CLTCL1: variants seen among roughly 807,000 people sequenced by gnomAD.
The protein encoded by CLTCL1 is clathrin heavy chain like 1, also known as clathrin heavy chain 2.
A neutral mutation model predicts 190.0 loss-of-function variants in CLTCL1; 159 were observed. The observed-to-expected ratio is 0.84, with a 90% CI of 0.74 to 0.95. CLTCL1 has a LOEUF of 0.95. CLTCL1 is among the 40% of genes least tolerant of loss of function. The pLI, the probability that CLTCL1 is intolerant of heterozygous loss-of-function variation, is 0.00. For missense variants in CLTCL1, 1,878 were observed against 2,033.4 expected, an observed-to-expected ratio of 0.92 and a Z score of 1.47; for synonymous variants, 752 against 769.6, an observed-to-expected ratio of 0.98 and a Z score of 0.38.
intron 4 of CLTCL1, among the ~76,000 whole-genome samples, chr22:19,242,006 G>A (rs377001757): frequency 8.0e-5 from 12 of 150,184 alleles, no homozygotes; most frequent in East Asian, 5.9e-4. Context: ...GCAGTGGCGC[G>A]ATCTCGGCTC....
chr22:19,273,875 C>T (rs183854273), intron 2 of CLTCL1, among the ~76,000 whole-genome samples: 22 of 152,236 alleles, frequency 1.4e-4, no homozygotes, highest in African/African-American at 2.6e-4. Context: ...TTCCCCATGG[C>T]GTGTGTTCTC....
At chr22:19,223,807 T>C in intron 14 of CLTCL1, 84 bp downstream of exon 14, 1 of 1,537,824 alleles carries the variant, frequency 6.5e-7, no homozygotes, top group Non-Finnish European at 8.9e-7. Flanking sequence ...TCCAGCTTCC[T>C]GCCCCTGGGA....
At chr22:19,201,817 T>C (rs544251439) in intron 22 of CLTCL1, among the ~76,000 whole-genome samples, 1 of 152,150 alleles carries the variant, frequency 6.6e-6, no homozygotes, top group Admixed American at 6.5e-5. Context: ...TCCAAGCCGT[T>C]CCCCTTCCTC....
chr22:19,223,446 G>A (rs1407242088), intron 14 of CLTCL1, among the ~76,000 whole-genome samples: 2 of 152,068 alleles, frequency 1.3e-5, no homozygotes, highest in Non-Finnish European at 2.9e-5. Context: ...TCCAGGTGAG[G>A]TGCTGAACAC....
intron 19 of CLTCL1, among the ~76,000 whole-genome samples, chr22:19,212,600 AAAGGAAGGAAGG>A (rs200691747): frequency 6.7e-6 from 1 of 148,832 alleles, no homozygotes; most frequent in African/African-American, 2.5e-5. Flanking sequence ...AGAAAGAAAG[AAAGGAAGGAAGG>A]AAGGAAAGAA....
At position 19,201,469 on chromosome 22, in the gene CLTCL1, C is replaced by T. The variant is rs1555939434; in HGVS notation, c.3625G>A (p.Gly1209Arg). ...QQVGDRCYEE[G>R]MYEAAKLLYS... ...AGCAGCTTGGCAGCCTCGTACATTC[C>T]CTCCTCGTAACAGCGGTCTCCAACC... The change falls in exon 23 of 33, where the codon GGA becomes AGA. Residue 1209 changes from glycine (G) to arginine (R), a missense_variant. Physicochemically the swap from Gly to Arg is moderately radical, Grantham distance 125. Coordinates refer to ENST00000427926, the MANE Select transcript of CLTCL1 (RefSeq NM_007098.4). The T allele has an allele frequency of 6.2e-7, 1 of 1,613,684 alleles. No homozygotes were observed. The highest frequency in any genetic ancestry group is 1.7e-5 in the Admixed American group (1 of 60,004).
At position 19,233,603 on chromosome 22, in the gene CLTCL1, T is replaced by C; in HGVS notation, c.1187A>G (p.Glu396Gly). 1 of 1,613,428 alleles carries C rather than the reference T, an allele frequency of 6.2e-7. No individual in the cohort carries two copies. The highest frequency in any genetic ancestry group is 8.5e-7 in the Non-Finnish European group (1 of 1,179,862). Residue 396 changes from glutamate to glycine, a missense_variant, in exon 8 of 33, where the codon GAG becomes GGG. Coordinates refer to ENST00000427926, the MANE Select transcript of CLTCL1 (RefSeq NM_007098.4). ...SAPKGILRTR[E>G]TVQKFQSIPA... ...TATACTCTGGAATTTCTGGACCGTC[T>C]CTCTGGTACGCAGGATTCCCTAATA... is the stretch of plus-strand genomic sequence containing the variant.
At chr22:19,192,388 G>C (rs1205126115) in intron 26 of CLTCL1, among the ~76,000 whole-genome samples, 1 of 152,188 alleles carries the variant, frequency 6.6e-6, no homozygotes, top group Non-Finnish European at 1.5e-5. Flanking sequence ...TTGGTGGCTT[G>C]CTGACTGTGG....
intron 26 of CLTCL1, among the ~76,000 whole-genome samples, chr22:19,192,660 A>G (rs1405247888): frequency 2.6e-5 from 4 of 152,190 alleles, no homozygotes; most frequent in Non-Finnish European, 5.9e-5. Context: ...TGGTCCCACT[A>G]TGGCTTACTG....
At chr22:19,187,951 C>T (rs782628842) in intron 28 of CLTCL1, 30 bp downstream of exon 28, 66 of 1,587,536 alleles carry the variant, frequency 4.2e-5, no homozygotes, top group Non-Finnish European at 5.0e-5. Context: ...CCCAGCCCAC[C>T]CAGGACAGGG....
At chr22:19,230,556 A>G (rs1246546157) in intron 10 of CLTCL1, among the ~76,000 whole-genome samples, 2 of 152,204 alleles carry the variant, frequency 1.3e-5, no homozygotes, top group African/African-American at 2.4e-5. Context: ...TCATCTCAAC[A>G]ACAACAACAC....
rs553008289 is a variant in CLTCL1 at position 19,220,007 on chromosome 22, C to A, written c.2797G>T (p.Val933Leu). The change falls in exon 18 of 33, where the codon GTG becomes TTG. Residue 933 changes from valine (V) to leucine (L), a missense_variant and splice_region_variant. Physicochemically the swap from Val to Leu is conservative, Grantham distance 32. Transcript: ENST00000427926. ...RGQCDLELIK[V>L]CNENSLFKSE... ...TTGAACAGAGAATTCTCATTGCACA[C>A]CTGAAATGAGCACACTCATGTGTGT... The A allele has an allele frequency of 1.9e-6, 3 of 1,613,934 alleles. No individual in the cohort carries two copies. The highest frequency in any genetic ancestry group is 2.5e-6 in the Non-Finnish European group (3 of 1,179,874).
In CLTCL1 at chr22:19,235,872, A is replaced by T. The variant is rs1434099774; in HGVS notation, c.796-3T>A. ...ATAACACCATGTTTAGCTCCAATCT[A>T]TAAGAAGACAGAGAGCAAGAGGTTG... On this transcript the variant is annotated splice_polypyrimidine_tract_variant and splice_region_variant and intron_variant, in intron 5 of 32. Transcript: ENST00000427926. The T allele has an allele frequency of 6.2e-7, 1 of 1,612,004 alleles. No homozygotes were observed. The highest frequency in any genetic ancestry group is 2.2e-5 in the East Asian group (1 of 44,884).
chr22:19,188,492 A>G (rs184369813), intron 27 of CLTCL1, among the ~76,000 whole-genome samples: 24 of 152,348 alleles, frequency 1.6e-4, no homozygotes, highest in Admixed American at 5.9e-4. Context: ...GCTAACAATC[A>G]TCTGAGCCTT....
intron 26 of CLTCL1, among the ~76,000 whole-genome samples, chr22:19,193,890 A>G (rs1456729920): frequency 2.0e-5 from 3 of 152,232 alleles, no homozygotes; most frequent in South Asian, 2.1e-4. Flanking sequence ...TGCAGACTCA[A>G]TGAGTGAGCA....
At chr22:19,246,485 C>CT (rs1210154645) in intron 3 of CLTCL1, among the ~76,000 whole-genome samples, 3 of 149,304 alleles carry the variant, frequency 2.0e-5, no homozygotes, top group Non-Finnish European at 4.5e-5. Flanking sequence ...CTTTTCTTTT[C>CT]TTTTTTTTGA....
Position 19,221,965 on chromosome 22 carries a change from T to A in CLTCL1, c.2547A>T (p.Val849=). ...GGACACCTTACCTATTTCTTTTTTC[T>A]ACTTCAGCCACCAACTCATCAGTAG... is the stretch of plus-strand genomic sequence containing the variant. ...QFSTDELVAE[V]EKRNRLKLLL... is the part of the protein sequence containing the mutation. The change falls in exon 16 of 33, where the codon GTA becomes GTT. Residue 849 remains valine, a synonymous_variant. Coordinates refer to ENST00000427926, the MANE Select transcript of CLTCL1 (RefSeq NM_007098.4). The A allele has an allele frequency of 6.2e-7, 1 of 1,613,944 alleles. No homozygotes were observed. The highest frequency in any genetic ancestry group is 8.5e-7 in the Non-Finnish European group (1 of 1,179,884).
chr22:19,184,899 GTCCCC>G, intron 29 of CLTCL1: 3 of 255,374 alleles, frequency 1.2e-5, no homozygotes, highest in Non-Finnish European at 2.3e-5. Context: ...CTTCATCCTG[GTCCCC>G]ATCCCTGTGT....
chr22:19,203,793 C>T (rs1476484542), intron 22 of CLTCL1, among the ~76,000 whole-genome samples: 2 of 152,224 alleles, frequency 1.3e-5, no homozygotes, highest in Non-Finnish European at 2.9e-5. Context: ...GACAGATCCA[C>T]ATGGCATCTA....
Sources: allele counts gnomAD v4.1 joint callset (sites outside exome capture counted in the v4.1 genomes callset), GRCh38; gene constraint gnomAD v4.1.1; transcripts MANE v1.5; gene names NCBI Gene and HGNC (gene_info 2026-07-23, HGNC 2026-07-21).